DENND1A: variants seen among roughly 807,000 people sequenced by gnomAD.
DENND1A encodes DENN domain-containing protein 1A.
DENND1A carries 51 observed loss-of-function variants against 113.7 expected under a neutral mutation model. The ratio of observed to expected loss-of-function variants is 0.45; its 90% CI spans 0.36 to 0.57. DENND1A has a LOEUF of 0.57. Among genes scored for constraint, DENND1A ranks in the 20% least tolerant of loss-of-function variants. The pLI, the probability that DENND1A is intolerant of heterozygous loss-of-function variation, is 0.00. For missense variants in DENND1A, 1,258 were observed against 1,395.9 expected, an observed-to-expected ratio of 0.90 and a Z score of 1.57; for synonymous variants, 565 against 570.8, an observed-to-expected ratio of 0.99 and a Z score of 0.14.
chr9:123,401,828 C>T, intron 21 of DENND1A: 3 of 1,614,208 alleles, frequency 1.9e-6, no homozygotes, highest in Non-Finnish European at 2.5e-6. Context: ...ATGAAGAGGT[C>T]CAGCCTCTCG....
intron 12 of DENND1A, among the ~76,000 whole-genome samples, chr9:123,566,394 C>T (rs1313528737): frequency 6.6e-6 from 1 of 152,112 alleles, no homozygotes; most frequent in African/African-American, 2.4e-5. Flanking sequence ...TGTGGAGTTC[C>T]ATGCTGGAGC....
chr9:123,929,908 T>C lies in DENND1A; in HGVS notation c.-3A>G. 3.0e-6 allele frequency: 1 copy of C among 331,268 alleles called. No homozygotes were observed. Among genetic ancestry groups the C allele is most frequent in the African/African-American group, 2.3e-5 (1 of 43,230 alleles). The allele number at this position is 331,268 out of a possible 1,614,324, so 20.5% of individuals were successfully genotyped here. On this transcript the variant is annotated 5_prime_UTR_variant, in exon 1 of 24. Coordinates refer to ENST00000394215, the MANE Select transcript of DENND1A (RefSeq NM_001352964.2). Reference sequence around the variant, plus strand: ...ACTCACTTGATCCTGGAGCCCATGGTCCCCAGGCCTCCTCATGGGCCCGCG... The same window carrying C: ...ACTCACTTGATCCTGGAGCCCATGGCCCCCAGGCCTCCTCATGGGCCCGCG...
At chr9:123,540,897 C>G (rs921312325) in intron 13 of DENND1A, among the ~76,000 whole-genome samples, 4 of 152,152 alleles carry the variant, frequency 2.6e-5, no homozygotes, top group Admixed American at 6.5e-5. Flanking sequence ...AGCATGGGAC[C>G]AGTGGAAAAA....
At chr9:123,475,548 C>T (rs2049839469) in intron 13 of DENND1A, among the ~76,000 whole-genome samples, 1 of 152,208 alleles carries the variant, frequency 6.6e-6, no homozygotes, top group African/African-American at 2.4e-5. Context: ...CACTGAAGCG[C>T]GGGCTGCTCT....
chr9:123,882,539 T>C (rs1271550050), intron 1 of DENND1A, among the ~76,000 whole-genome samples: 3 of 152,084 alleles, frequency 2.0e-5, no homozygotes, highest in Admixed American at 1.3e-4. Context: ...AATCTCAACG[T>C]TTCTCAGCAC....
At chr9:123,698,277 GA>G (rs1054990247) in intron 5 of DENND1A, among the ~76,000 whole-genome samples, 2 of 152,134 alleles carry the variant, frequency 1.3e-5, no homozygotes, top group African/African-American at 4.8e-5. Context: ...CAAGTAATTA[GA>G]AAACCGGAGC....
At chr9:123,761,512 C>T (rs2071035805) in intron 4 of DENND1A, among the ~76,000 whole-genome samples, 1 of 152,174 alleles carries the variant, frequency 6.6e-6, no homozygotes, top group South Asian at 2.1e-4. Flanking sequence ...TCTCTCTTGC[C>T]TGTTGCATAT....
chr9:123,563,935 GAACA>G (rs2057907139), intron 12 of DENND1A, among the ~76,000 whole-genome samples: 1 of 152,128 alleles, frequency 6.6e-6, no homozygotes. Context: ...CTTTCTGTCA[GAACA>G]AATAGCTCTT....
At chr9:123,499,590 A>G (rs1013746584) in intron 13 of DENND1A, among the ~76,000 whole-genome samples, 2 of 152,228 alleles carry the variant, frequency 1.3e-5, no homozygotes, top group Non-Finnish European at 2.9e-5. Flanking sequence ...TGACGAGACA[A>G]AGCACAAAGA....
intron 9 of DENND1A, among the ~76,000 whole-genome samples, chr9:123,638,145 C>A (rs1310289807): frequency 6.6e-6 from 1 of 152,094 alleles, no homozygotes. Context: ...ACCGGGGCAA[C>A]AAGCTTTCAT....
chr9:123,736,836 C>T (rs867243501), intron 5 of DENND1A, among the ~76,000 whole-genome samples: 15 of 152,202 alleles, frequency 9.9e-5, no homozygotes, highest in African/African-American at 3.4e-4. Flanking sequence ...ACAGGTCAGA[C>T]GTCTTGCCCA....
At chr9:123,891,393 A>T (rs529981781) in intron 1 of DENND1A, among the ~76,000 whole-genome samples, 1 of 152,216 alleles carries the variant, frequency 6.6e-6, no homozygotes, top group Non-Finnish European at 1.5e-5. Flanking sequence ...TTTAAATCAG[A>T]TTCCCAGGTT....
intron 3 of DENND1A, among the ~76,000 whole-genome samples, chr9:123,791,722 A>G (rs2132038752): frequency 6.6e-6 from 1 of 152,330 alleles, no homozygotes; most frequent in East Asian, 1.9e-4. Context: ...AAAAAATTAA[A>G]TAGATGTGCT....
At position 123,741,674 on chromosome 9, in the gene DENND1A, T is replaced by C. The variant is rs770576750; in HGVS notation, c.302+16029A>G. Among the ~76,000 whole-genome samples, 3 of 152,208 alleles carry C rather than the reference T, an allele frequency of 2.0e-5. No homozygotes were observed. In the South Asian group the frequency reaches 6.2e-4, roughly 31 times the overall value. ...CCTCAATGAGTAAAATAGACAGATA[T>C]CCTGGTTATCCCTTCACCTTGATAT... On this transcript the variant is annotated intron_variant, in intron 5 of 23. Coordinates refer to ENST00000394215, the MANE Select transcript of DENND1A (RefSeq NM_001352964.2).
At chr9:123,550,394 C>T (rs2056966074) in intron 13 of DENND1A, among the ~76,000 whole-genome samples, 2 of 151,692 alleles carry the variant, frequency 1.3e-5, no homozygotes, top group East Asian at 3.9e-4. Flanking sequence ...ATAAACAGCT[C>T]CCATAGTGCT....
chr9:123,608,754 TG>T (rs1227999951), intron 11 of DENND1A, among the ~76,000 whole-genome samples: 1 of 152,140 alleles, frequency 6.6e-6, no homozygotes, highest in African/African-American at 2.4e-5. Context: ...TTTATAATAG[TG>T]AAAAATTATA....
chr9:123,632,461 T>C (rs2061518116), intron 9 of DENND1A, among the ~76,000 whole-genome samples: 1 of 152,174 alleles, frequency 6.6e-6, no homozygotes, highest in Non-Finnish European at 1.5e-5. Context: ...TTGCTGGTGT[T>C]GAGTGAGTGG....
At chr9:123,867,626 T>G (rs891320260) in intron 2 of DENND1A, among the ~76,000 whole-genome samples, 2 of 152,208 alleles carry the variant, frequency 1.3e-5, no homozygotes, top group African/African-American at 2.4e-5. Context: ...CCGTTCTCCC[T>G]TCCTCCAGTA....
At chr9:123,383,059 C>G (rs752009914) in intron 23 of DENND1A, among the ~76,000 whole-genome samples, 1 of 152,192 alleles carries the variant, frequency 6.6e-6, no homozygotes, top group African/African-American at 2.4e-5. Context: ...TTGCAAGCCA[C>G]ACGGCCCGGG....
Sources: gnomAD v4.1 joint callset for allele counts (sites outside exome capture counted in the v4.1 genomes callset) on GRCh38, gnomAD v4.1.1 for gene constraint, MANE v1.5 for transcripts, NCBI Gene and HGNC (gene_info 2026-07-23, HGNC 2026-07-21) for gene names.